The following TSPAN2 variants were observed in gnomAD, a reference collection of about 807,000 sequenced individuals.
The protein encoded by TSPAN2 is tetraspanin 2.
Under a neutral mutation model 33.3 loss-of-function variants are expected in TSPAN2, and 24 were observed. The ratio of observed to expected loss-of-function variants is 0.72; its 90% CI spans 0.52 to 1.01. The LOEUF (loss-of-function observed/expected upper bound fraction) is 1.01. Among genes scored for constraint, TSPAN2 ranks in the 50% least tolerant of loss-of-function variants. The pLI is 0.00. For missense variants in TSPAN2, 278 were observed against 281.3 expected, an observed-to-expected ratio of 0.99 and a Z score of 0.08; for synonymous variants, 114 against 104.5, an observed-to-expected ratio of 1.09 and a Z score of -0.56.
chr1:115,058,816 G>T, intron 5 of TSPAN2, 67 bp downstream of exon 5: 3 of 1,282,404 alleles, frequency 2.3e-6, no homozygotes, highest in Non-Finnish European at 3.4e-6. Context: ...CCTGGTGATT[G>T]GTGAGAACCT....
Position 115,071,150 on chromosome 1 carries a change from G to A in TSPAN2, c.172+1755C>T, listed in dbSNP as rs1472386050. Among the ~76,000 whole-genome samples, 3 of 152,176 alleles carry A rather than the reference G, an allele frequency of 2.0e-5. No individual in the cohort carries two copies. The East Asian group carries it at 5.8e-4, about 29-fold the overall frequency. ...ATGGGGAGCCCAGGCCCCTCCCCAG[G>A]CCCAGGGGAGGGTGTGAGGGTGTGA... is the stretch of plus-strand genomic sequence containing the variant. On this transcript the variant is annotated intron_variant, in intron 2 of 7. Transcript: ENST00000369516.
chr1:115,052,191 T>C (rs925556936), intron 7 of TSPAN2, among the ~76,000 whole-genome samples: 6 of 152,284 alleles, frequency 3.9e-5, no homozygotes, highest in Middle Eastern at 3.4e-3. Context: ...TGTCCCTTGA[T>C]TTGGAGGGCC....
chr1:115,078,944 G>A (rs916849273), intron 1 of TSPAN2, among the ~76,000 whole-genome samples: 3 of 152,180 alleles, frequency 2.0e-5, no homozygotes, highest in Non-Finnish European at 4.4e-5. Flanking sequence ...AATATGCTCA[G>A]CAAAACACAT....
intron 2 of TSPAN2, 81 bp from the exon 3 acceptor site, chr1:115,062,313 T>G (rs1418728078): frequency 3.8e-6 from 4 of 1,040,046 alleles, no homozygotes; most frequent in Non-Finnish European, 5.8e-6. Flanking sequence ...CTCTGGGCAC[T>G]GCAGAGCATT....
At chr1:115,087,334 G>A (rs546406010) in intron 1 of TSPAN2, among the ~76,000 whole-genome samples, 21 of 151,760 alleles carry the variant, frequency 1.4e-4, no homozygotes, top group Non-Finnish European at 2.9e-4. Context: ...GAAGGTAGGC[G>A]GCCAGGCGCG....
intron 3 of TSPAN2, 123 bp from the exon 4 acceptor site, chr1:115,060,661 C>A: frequency 2.7e-6 from 2 of 733,398 alleles, no homozygotes; most frequent in Non-Finnish European, 4.6e-6. Flanking sequence ...TTCATTCATT[C>A]ATTCAGCAAT....
chr1:115,064,397 A>G (rs575709734), intron 2 of TSPAN2, among the ~76,000 whole-genome samples: 2 of 152,328 alleles, frequency 1.3e-5, no homozygotes, highest in South Asian at 4.1e-4. Context: ...TTGCTACATG[A>G]TGCCGTTTGC....
intron 1 of TSPAN2, among the ~76,000 whole-genome samples, chr1:115,078,908 G>C (rs1192766220): frequency 1.3e-5 from 2 of 152,152 alleles, no homozygotes; most frequent in Admixed American, 6.5e-5. Context: ...AGATACCTTC[G>C]AAGGCACTGT....
Position 115,058,925 on chromosome 1 carries a change from G to C in TSPAN2, c.402C>G (p.Asp134Glu), listed in dbSNP as rs111410374. ...YEEAYNDYLK[D>E]RGKGNGTLIT... is the part of the protein sequence containing the mutation. ...TGAGTGTCCCATTGCCTTTTCCCCT[G>C]TCTTTAAGGTAATCATTGTAAGCCT... is the stretch of plus-strand genomic sequence containing the variant. Residue 134 changes from aspartate to glutamate, a missense_variant, in exon 5 of 8, where the codon GAC becomes GAG. Asp to Glu is a conservative substitution (Grantham distance 45, BLOSUM62 2). Transcript: ENST00000369516. 8.4e-5 allele frequency: 135 copies of C among 1,614,064 alleles called. No homozygotes were observed. In the African/African-American group the frequency reaches 1.4e-3, roughly 17 times the overall value.
In TSPAN2 at chr1:115,058,974, C is replaced by T. The variant is rs9659602; in HGVS notation, c.353G>A (p.Arg118Gln). 6.7e-5 allele frequency: 108 copies of T among 1,611,882 alleles called. 1 individual carries two copies. The highest frequency in any genetic ancestry group is 3.5e-4 in the Admixed American group (21 of 59,740). ...CTCTTCATACATGGTCTGAACATGT[C>T]GGATAGCCTGAAGAAATACAAGGAA... Reference protein sequence around the residue: ...FAFIGKGVAIRHVQTMYEEAY... With the variant: ...FAFIGKGVAIQHVQTMYEEAY... Residue 118 changes from arginine (R) to glutamine (Q), a missense_variant, in exon 5 of 8, where the codon CGA becomes CAA. Transcript: ENST00000369516.
At chr1:115,089,038 G>A (rs531943635) in intron 1 of TSPAN2, among the ~76,000 whole-genome samples, 2 of 107,538 alleles carry the variant, frequency 1.9e-5, no homozygotes, top group South Asian at 3.0e-4. Flanking sequence ...AAGTCCTCCG[G>A]AGGTGAGGAG....
intron 1 of TSPAN2, among the ~76,000 whole-genome samples, chr1:115,087,467 C>T (rs12568387): frequency 0.75 from 113,696 of 151,650 alleles, 43,215 homozygotes; most frequent in East Asian, 0.95. Flanking sequence ...TACAAAAAAA[C>T]TAGCCAGACG....
At chr1:115,050,613 T>G (rs1675289691) in intron 7 of TSPAN2, 58 bp from the exon 8 acceptor site, 1 of 1,368,682 alleles carries the variant, frequency 7.3e-7, no homozygotes, top group Non-Finnish European at 1.0e-6. Context: ...AGGTAAAAAG[T>G]TCAGCAGACT....
chr1:115,061,568 C>T (rs535397916), intron 3 of TSPAN2, among the ~76,000 whole-genome samples: 1 of 152,138 alleles, frequency 6.6e-6, no homozygotes, highest in African/African-American at 2.4e-5. Context: ...TCATAGTCAC[C>T]CCTTACAATT....
chr1:115,078,600 A>G (rs911321500), intron 1 of TSPAN2, among the ~76,000 whole-genome samples: 1 of 152,124 alleles, frequency 6.6e-6, no homozygotes, highest in Non-Finnish European at 1.5e-5. Flanking sequence ...TCTCTCCACC[A>G]TATGAAGACA....
At chr1:115,060,131 T>G (rs1647655315) in intron 4 of TSPAN2, among the ~76,000 whole-genome samples, 1 of 152,168 alleles carries the variant, frequency 6.6e-6, no homozygotes, top group South Asian at 2.1e-4. Flanking sequence ...GATGAGAATC[T>G]AGATTCTTTC....
chr1:115,073,841 CT>C (rs1026199001), intron 1 of TSPAN2, among the ~76,000 whole-genome samples: 9 of 152,024 alleles, frequency 5.9e-5, no homozygotes, highest in African/African-American at 2.2e-4. Flanking sequence ...ACTCTGAAGG[CT>C]TTTGTGAGGC....
In TSPAN2 at chr1:115,055,508, GA is replaced by G. The variant is rs1435258771; in HGVS notation, c.516+2028del. Among the ~76,000 whole-genome samples, 17 of 151,784 alleles carry G rather than the reference GA, an allele frequency of 1.1e-4. No homozygotes were observed. In the East Asian group the frequency reaches 3.3e-3, roughly 29 times the overall value. On this transcript the variant is annotated intron_variant, in intron 6 of 7. Transcript: ENST00000369516. The stretch of plus-strand genomic sequence containing the variant: ...GCCTTGTTTCACTAAAAATTTCTTT[GA>G]AATCATGATTATGATGATTATTTTT...
chr1:115,062,148 C>A lies in TSPAN2; in HGVS notation c.257G>T (p.Cys86Phe), dbSNP rs1454866514. 1 of 1,593,574 alleles carries A rather than the reference C, an allele frequency of 6.3e-7. No individual in the cohort carries two copies. The highest frequency in any genetic ancestry group is 1.8e-5 in the Admixed American group (1 of 57,058). ...GCCGAMRESQ[C>F]VLGSFFTCLL... ...CGCCCCACTTACTGATCCAAGCACACATTGCGACTCCCGCATGGCTCCGCA... is the reference window on the plus strand; with the variant it reads ...CGCCCCACTTACTGATCCAAGCACAAATTGCGACTCCCGCATGGCTCCGCA... Residue 86 changes from cysteine to phenylalanine, a missense_variant, in exon 3 of 8, where the codon TGT becomes TTT. By Grantham distance (205) the Cys-to-Phe change is radical. Coordinates refer to ENST00000369516, the MANE Select transcript of TSPAN2 (RefSeq NM_005725.6).
Sources: allele counts gnomAD v4.1 joint callset (sites outside exome capture counted in the v4.1 genomes callset), GRCh38; gene constraint gnomAD v4.1.1; transcripts MANE v1.5; gene names NCBI Gene and HGNC (gene_info 2026-07-23, HGNC 2026-07-21).